Variants in CCDC148 observed in about 807,000 individuals in gnomAD.
CCDC148 encodes the protein coiled-coil domain-containing protein 148.
CCDC148 carries 89 observed loss-of-function variants against 85.7 expected under a neutral mutation model. The observed-to-expected ratio is 1.04, with a 90% CI of 0.87 to 1.24. The LOEUF is 1.24. CCDC148 is among the 50% of genes most tolerant of loss of function. The pLI is 0.00. For missense variants in CCDC148, 692 were observed against 671.7 expected (o/e 1.03, Z -0.33); for synonymous variants, 230 against 213.9 (o/e 1.08, Z -0.66).
intron 9 of CCDC148, among the ~76,000 whole-genome samples, chr2:158,301,563 A>T (rs1691444076): frequency 6.6e-6 from 1 of 152,236 alleles, no homozygotes; most frequent in African/African-American, 2.4e-5. Flanking sequence ...GAGGAGGCTT[A>T]GTGGCCAATG....
In CCDC148 at chr2:158,199,979, G is replaced by A. The variant is rs1685870711; in HGVS notation, c.1370+20616C>T. Among the ~76,000 whole-genome samples the A allele has an allele frequency of 3.3e-5, 5 of 152,166 alleles. No homozygotes were observed. In the South Asian group the frequency reaches 1.0e-3, roughly 31 times the overall value. ...TTATATCATGAGGCTTTGAAAAGCA[G>A]CTCAAGAGGGTTGAGACGCATTCAA... is the stretch of plus-strand genomic sequence containing the variant. On this transcript the variant is annotated intron_variant, in intron 11 of 13. Coordinates refer to ENST00000283233, the MANE Select transcript of CCDC148 (RefSeq NM_138803.4).
At chr2:158,277,284 G>T (rs984971395) in intron 9 of CCDC148, among the ~76,000 whole-genome samples, 2 of 152,136 alleles carry the variant, frequency 1.3e-5, no homozygotes, top group Admixed American at 1.3e-4. Flanking sequence ...CAGCAGGGTT[G>T]GCTATTTCAT....
intron 1 of CCDC148, among the ~76,000 whole-genome samples, chr2:158,406,623 T>C (rs201030927): frequency 2.6e-3 from 270 of 102,664 alleles, no homozygotes; most frequent in Middle Eastern, 6.3e-3. Context: ...CTTTTTTTTT[T>C]TTTTTTTTTT....
At chr2:158,355,675 A>G (rs1405139445) in intron 2 of CCDC148, among the ~76,000 whole-genome samples, 2 of 130,724 alleles carry the variant, frequency 1.5e-5, no homozygotes, top group Admixed American at 7.7e-5. Flanking sequence ...TACAGATTCA[A>G]TGCCATCCCC....
intron 9 of CCDC148, among the ~76,000 whole-genome samples, chr2:158,306,667 G>A (rs1476048207): frequency 5.9e-5 from 9 of 151,696 alleles, no homozygotes; most frequent in East Asian, 3.9e-4. Flanking sequence ...ATCACACACC[G>A]GGGCCTGTTG....
intron 7 of CCDC148, among the ~76,000 whole-genome samples, chr2:158,315,288 T>C (rs929345582): frequency 7.2e-5 from 11 of 152,198 alleles, no homozygotes; most frequent in African/African-American, 2.4e-4. Flanking sequence ...ATTTAAAACA[T>C]CCTCAGGTTT....
intron 1 of CCDC148, among the ~76,000 whole-genome samples, chr2:158,431,499 AAAC>A (rs1687350070): frequency 6.6e-6 from 1 of 151,866 alleles, no homozygotes; most frequent in South Asian, 2.1e-4. Context: ...AAAAAAAAAA[AAAC>A]CTGTCAATTT....
intron 1 of CCDC148, among the ~76,000 whole-genome samples, chr2:158,396,818 T>TTGC (rs932837180): frequency 2.6e-5 from 4 of 152,090 alleles, no homozygotes; most frequent in African/African-American, 7.2e-5. Context: ...ATTATTATTA[T>TTGC]TGCTGCTGCT....
In CCDC148 at chr2:158,172,220, G is replaced by T; in HGVS notation, c.1669C>A (p.Arg557=). ...AGTGTTCTATGAAGTCCAGCTTCTC[G>T]AAGTGCTAACTCGAAGCGAAGTCTA... The part of the protein sequence containing the change: ...DPRLRFELAL[R]EAGLHRTLYA... The change falls in exon 14 of 14, where the codon CGA becomes AGA. Residue 557 remains arginine (R), a synonymous_variant. Transcript: ENST00000283233. 2 of 1,607,752 alleles carry T rather than the reference G, an allele frequency of 1.2e-6. No individual in the cohort carries two copies. Among genetic ancestry groups the T allele is most frequent in the Non-Finnish European group, 1.7e-6 (2 of 1,177,022 alleles).
chr2:158,235,366 G>T (rs986616278), intron 10 of CCDC148, among the ~76,000 whole-genome samples: 1 of 152,118 alleles, frequency 6.6e-6, no homozygotes, highest in South Asian at 2.1e-4. Context: ...CTTGCATGTG[G>T]CAGCAGTTTC....
intron 10 of CCDC148, among the ~76,000 whole-genome samples, chr2:158,228,152 T>C (rs914429134): frequency 2.0e-5 from 3 of 152,040 alleles, no homozygotes; most frequent in African/African-American, 7.2e-5. Context: ...GCAAAAGATA[T>C]GAACAGACAC....
At chr2:158,360,505 C>A (rs1030858795) in intron 1 of CCDC148, among the ~76,000 whole-genome samples, 1 of 152,172 alleles carries the variant, frequency 6.6e-6, no homozygotes, top group African/African-American at 2.4e-5. Flanking sequence ...TGTTCTGCAG[C>A]CTCCACTGGT....
intron 1 of CCDC148, among the ~76,000 whole-genome samples, chr2:158,383,424 T>C (rs1484921981): frequency 6.6e-6 from 1 of 152,004 alleles, no homozygotes; most frequent in East Asian, 1.9e-4. Flanking sequence ...ATTTTAAAAG[T>C]GTATATATGT....
chr2:158,245,607 T>C (rs1023788552), intron 10 of CCDC148, among the ~76,000 whole-genome samples: 2 of 152,200 alleles, frequency 1.3e-5, no homozygotes, highest in African/African-American at 4.8e-5. Context: ...ATCCTTGTAA[T>C]GGATTCTGTG....
At chr2:158,402,050 C>T (rs1047249784) in intron 1 of CCDC148, among the ~76,000 whole-genome samples, 5 of 151,982 alleles carry the variant, frequency 3.3e-5, no homozygotes, top group African/African-American at 1.2e-4. Flanking sequence ...ATTTAATGTA[C>T]CTAATACCCA....
At chr2:158,444,970 A>G (rs1406638329) in intron 1 of CCDC148, among the ~76,000 whole-genome samples, 1 of 152,082 alleles carries the variant, frequency 6.6e-6, no homozygotes, top group Non-Finnish European at 1.5e-5. Context: ...TTCCTGATAT[A>G]AACTCTTAGA....
At chr2:158,351,467 G>GGGTGACGAAT (rs4028064) in intron 2 of CCDC148, among the ~76,000 whole-genome samples, 3 of 150,268 alleles carry the variant, frequency 2.0e-5, no homozygotes, top group African/African-American at 4.9e-5. Context: ...TCAAAGAAAG[G>GGGTGACGAAT]GGCACCTGGA....
At chr2:158,352,914 C>A (rs1176270520) in intron 2 of CCDC148, among the ~76,000 whole-genome samples, 1 of 151,534 alleles carries the variant, frequency 6.6e-6, no homozygotes, top group Non-Finnish European at 1.5e-5. Flanking sequence ...AGAGTGGGGG[C>A]CAATATTCAA....
At chr2:158,280,904 G>T (rs1003732331) in intron 9 of CCDC148, among the ~76,000 whole-genome samples, 1 of 152,074 alleles carries the variant, frequency 6.6e-6, no homozygotes, top group East Asian at 1.9e-4. Context: ...AAATGTAAAA[G>T]AACAGAAATT....
Sources: gnomAD v4.1 joint callset for allele counts (sites outside exome capture counted in the v4.1 genomes callset) on GRCh38, gnomAD v4.1.1 for gene constraint, MANE v1.5 for transcripts, NCBI Gene and HGNC (gene_info 2026-07-23, HGNC 2026-07-21) for gene names.